The following JARID2 variants were observed in gnomAD, a reference collection of about 807,000 sequenced individuals.
JARID2 encodes the protein protein Jumonji.
In JARID2, 21 loss-of-function variants were observed where a neutral mutation model predicts 125.6. The ratio of observed to expected loss-of-function variants is 0.17; its 90% confidence interval spans 0.12 to 0.24. The LOEUF is 0.24. Ranked by LOEUF, JARID2 falls within the 10% of genes least tolerant of loss-of-function variation. JARID2 has a pLI of 1.00. For missense variants in JARID2, 1,303 were observed against 1,639.6 expected, an observed-to-expected ratio of 0.79 and a Z score of 3.55; for synonymous variants, 736 against 661.6, an observed-to-expected ratio of 1.11 and a Z score of -1.73.
chr6:15,340,357 A>T (rs1386342155), intron 1 of JARID2, among the ~76,000 whole-genome samples: 1 of 152,204 alleles, frequency 6.6e-6, no homozygotes, highest in Non-Finnish European at 1.5e-5. Context: ...TCTGAGCCTG[A>T]TTCTCAATCT....
At chr6:15,269,424 T>A (rs1208362123) in intron 1 of JARID2, among the ~76,000 whole-genome samples, 1 of 152,070 alleles carries the variant, frequency 6.6e-6, no homozygotes, top group African/African-American at 2.4e-5. Context: ...GGTGGTGTGA[T>A]CACAGCTTAT....
intron 3 of JARID2, among the ~76,000 whole-genome samples, chr6:15,443,638 T>G (rs538288327): frequency 6.6e-6 from 1 of 152,312 alleles, no homozygotes; most frequent in African/African-American, 2.4e-5. Flanking sequence ...TAATCAGGAC[T>G]TTTCATCTAC....
At chr6:15,279,057 C>T (rs1345739544) in intron 1 of JARID2, among the ~76,000 whole-genome samples, 2 of 150,090 alleles carry the variant, frequency 1.3e-5, no homozygotes, top group Non-Finnish European at 2.9e-5. Context: ...CACCACTGCA[C>T]TTCAGCCTGG....
intron 5 of JARID2, among the ~76,000 whole-genome samples, chr6:15,478,728 G>C (rs1441543484): frequency 6.6e-6 from 1 of 152,016 alleles, no homozygotes; most frequent in East Asian, 1.9e-4. Flanking sequence ...GGAGTGCAAT[G>C]GCGCGATCTC....
intron 1 of JARID2, among the ~76,000 whole-genome samples, chr6:15,348,098 TG>T (rs1182406300): frequency 6.9e-6 from 1 of 145,444 alleles, no homozygotes; most frequent in African/African-American, 2.5e-5. Context: ...TGTTTTGTTC[TG>T]TTTTTTTTTT....
rs2127736223 is a variant in JARID2, at chr6:15,497,116, A to G, written c.1891A>G (p.Ile631Val). ...WGPNVQRLAC[I>V]KKHLKSQGIT... ...CCCCAACGTGCAGCGGCTGGCCTGC[A>G]TCAAGAAGCACCTCAAATCTCAGGG... The change falls in exon 7 of 18, where the codon ATC becomes GTC. Residue 631 changes from isoleucine (I) to valine (V), a missense_variant. Physicochemically the swap from Ile to Val is conservative, Grantham distance 29. This residue lies in a region of JARID2 where 64 missense variants were observed against 166.8 expected (regional missense o/e 0.38). Coordinates refer to ENST00000341776, the MANE Select transcript of JARID2 (RefSeq NM_004973.4). 6.4e-7 allele frequency: 1 copy of G among 1,565,786 alleles called. No individual in the cohort carries two copies. The highest frequency in any genetic ancestry group is 8.7e-7 in the Non-Finnish European group (1 of 1,155,590).
intron 1 of JARID2, among the ~76,000 whole-genome samples, chr6:15,252,350 C>G (rs1439049630): frequency 6.6e-6 from 1 of 152,026 alleles, no homozygotes; most frequent in Non-Finnish European, 1.5e-5. Flanking sequence ...AAACTTGTTC[C>G]CATTAACTAA....
intron 1 of JARID2, among the ~76,000 whole-genome samples, chr6:15,359,989 C>T (rs1289406210): frequency 6.6e-6 from 1 of 151,988 alleles, no homozygotes; most frequent in Non-Finnish European, 1.5e-5. Flanking sequence ...GTCTGGCCGA[C>T]TGATGAATTT....
intron 1 of JARID2, among the ~76,000 whole-genome samples, chr6:15,270,035 A>C (rs576659597): frequency 2.1e-3 from 317 of 152,300 alleles, no homozygotes; most frequent in Middle Eastern, 6.8e-3. Flanking sequence ...GAACATACTC[A>C]TTTCTTAGTC....
At chr6:15,438,455 C>G (rs890087388) in intron 3 of JARID2, among the ~76,000 whole-genome samples, 1 of 152,158 alleles carries the variant, frequency 6.6e-6, no homozygotes, top group African/African-American at 2.4e-5. Context: ...CTTTTTTCAT[C>G]TGTGAATTGC....
intron 1 of JARID2, among the ~76,000 whole-genome samples, chr6:15,318,748 G>T (rs1762257787): frequency 6.6e-6 from 1 of 152,226 alleles, no homozygotes; most frequent in South Asian, 2.1e-4. Flanking sequence ...GGGTGGGAAA[G>T]GCAACAAAAG....
intron 1 of JARID2, among the ~76,000 whole-genome samples, chr6:15,262,951 T>G (rs1759939227): frequency 6.6e-6 from 1 of 152,166 alleles, no homozygotes; most frequent in African/African-American, 2.4e-5. Flanking sequence ...ACTACTAAAT[T>G]TATTTTCTGT....
intron 1 of JARID2, among the ~76,000 whole-genome samples, chr6:15,310,550 C>G (rs1055613575): frequency 6.6e-6 from 1 of 152,198 alleles, no homozygotes; most frequent in Non-Finnish European, 1.5e-5. Context: ...ATGCCTTGGC[C>G]TCCCCTCTTC....
chr6:15,506,415 A>T (rs1426061139), intron 9 of JARID2, among the ~76,000 whole-genome samples: 1 of 152,184 alleles, frequency 6.6e-6, no homozygotes, highest in Non-Finnish European at 1.5e-5. Context: ...CATTGAGGAA[A>T]GTGGTTTTGG....
At chr6:15,485,147 T>G (rs2282821) in intron 5 of JARID2, among the ~76,000 whole-genome samples, 81,926 of 151,972 alleles carry the variant, frequency 0.54, 22,194 homozygotes, top group African/African-American at 0.6. Context: ...TAGAATCTTG[T>G]GCAACGTCGG....
At chr6:15,296,132 C>T (rs573052960) in intron 1 of JARID2, among the ~76,000 whole-genome samples, 1 of 152,326 alleles carries the variant, frequency 6.6e-6, no homozygotes, top group East Asian at 1.9e-4. Context: ...AGATGTTTCC[C>T]TTTAAAAATA....
intron 2 of JARID2, among the ~76,000 whole-genome samples, chr6:15,391,800 T>G (rs986039358): frequency 1.3e-5 from 2 of 152,216 alleles, no homozygotes; most frequent in African/African-American, 4.8e-5. Flanking sequence ...AACAAAACAC[T>G]AGATCTCTTT....
intron 2 of JARID2, among the ~76,000 whole-genome samples, chr6:15,381,177 C>G (rs932812869): frequency 3.3e-5 from 5 of 150,900 alleles, no homozygotes; most frequent in African/African-American, 9.8e-5. Flanking sequence ...CATGGTGAAA[C>G]CCTGTCTCTA....
chr6:15,408,456 C>T (rs367614633), intron 2 of JARID2, among the ~76,000 whole-genome samples: 92 of 152,194 alleles, frequency 6.0e-4, no homozygotes, highest in Admixed American at 2.2e-3. Flanking sequence ...AGTTAAATGT[C>T]GTCTGTATCC....
Sources: allele counts gnomAD v4.1 joint callset (sites outside exome capture counted in the v4.1 genomes callset), GRCh38; gene constraint gnomAD v4.1.1; regional missense constraint gnomAD v4.1.1; transcripts MANE v1.5; gene names NCBI Gene and HGNC (gene_info 2026-07-23, HGNC 2026-07-21).